EML3: variants seen among roughly 807,000 people sequenced by gnomAD.
EML3 encodes echinoderm microtubule-associated protein-like 3.
In EML3, 53 loss-of-function variants were observed where a neutral mutation model predicts 106.7. The ratio of observed to expected loss-of-function variants is 0.50; its 90% confidence interval spans 0.40 to 0.62. The LOEUF (loss-of-function observed/expected upper bound fraction) is 0.62. Among genes scored for constraint, EML3 ranks in the 20% least tolerant of loss-of-function variants. EML3 has a pLI of 0.00. For synonymous variants in EML3, 499 were observed against 489.6 expected, an observed-to-expected ratio of 1.02 and a Z score of -0.25; for missense variants, 994 against 1,209.1, an observed-to-expected ratio of 0.82 and a Z score of 2.64.
chr11:62,603,137 G>A lies in EML3; in HGVS notation c.2356+12C>T. On this transcript the variant is annotated intron_variant, in intron 20 of 21. Coordinates refer to ENST00000394773, the MANE Select transcript of EML3 (RefSeq NM_153265.3). ...CCCCACCCTTCCAGCAGGTTTCCAC[G>A]CCCCTGCTCACCGTAGACGTGAAAG... 1 of 1,613,052 alleles carries A rather than the reference G, an allele frequency of 6.2e-7. No individual in the cohort carries two copies. The highest frequency in any genetic ancestry group is 8.5e-7 in the Non-Finnish European group (1 of 1,179,278).
chr11:62,610,290 G>C (rs994069953), intron 4 of EML3, among the ~76,000 whole-genome samples: 1 of 152,196 alleles, frequency 6.6e-6, no homozygotes, highest in Admixed American at 6.5e-5. Context: ...AGAGAATAAA[G>C]CACAGGCCAA....
At chr11:62,606,318 T>C (rs1942516885) in intron 12 of EML3, 104 bp from the exon 13 acceptor site, 1 of 1,313,846 alleles carries the variant, frequency 7.6e-7, no homozygotes, top group Non-Finnish European at 1.1e-6. Flanking sequence ...AGCCATTGCA[T>C]GCACTGACTA....
intron 4 of EML3, among the ~76,000 whole-genome samples, 194 bp from the exon 5 acceptor site, chr11:62,609,890 G>A (rs1020626607): frequency 1.3e-5 from 2 of 152,190 alleles, no homozygotes; most frequent in African/African-American, 4.8e-5. Flanking sequence ...GATTGAGGCT[G>A]AAGGGGCTGA....
chr11:62,609,253 G>A, intron 6 of EML3, 101 bp downstream of exon 6: 1 of 1,552,814 alleles, frequency 6.4e-7, no homozygotes, highest in Non-Finnish European at 8.7e-7. Flanking sequence ...AGAGGATCTA[G>A]AAGGCTCCTT....
chr11:62,612,380 C>T (rs1337175316), intron 1 of EML3, 56 bp downstream of exon 1: 2 of 1,487,976 alleles, frequency 1.3e-6, no homozygotes, highest in Non-Finnish European at 8.9e-7. Flanking sequence ...CTGGCATAAC[C>T]CGACGAGCCG....
At chr11:62,607,900 T>A (rs1350839836) in intron 10 of EML3, 79 bp from the exon 11 acceptor site, 2 of 1,530,406 alleles carry the variant, frequency 1.3e-6, no homozygotes, top group East Asian at 2.3e-5. Context: ...ATTTGCATCA[T>A]GACAGCTGGC....
chr11:62,603,022 G>GGCCGGAGA, intron 20 of EML3, 127 bp downstream of exon 20: 3 of 1,507,498 alleles, frequency 2.0e-6, no homozygotes, highest in Non-Finnish European at 2.7e-6. Flanking sequence ...CGGTCCCGAG[G>GGCCGGAGA]GGCCTCCTGG....
At position 62,612,578 on chromosome 11, in the gene EML3, A is replaced by C; in HGVS notation, c.-121T>G. On this transcript the variant is annotated 5_prime_UTR_variant, in exon 1 of 22. Coordinates refer to ENST00000394773, the MANE Select transcript of EML3 (RefSeq NM_153265.3). ...CGCGCGCGAAGGGCGCCGTACCACC[A>C]CCCCGAGGGGGCGCTGTCGGGCGCG... is the stretch of plus-strand genomic sequence containing the variant. 8 of 996,828 alleles carry C rather than the reference A, an allele frequency of 8.0e-6. No individual in the cohort carries two copies. The highest frequency in any genetic ancestry group is 7.9e-6 in the Non-Finnish European group (6 of 755,384). 61.7% of individuals were successfully genotyped at this position (996,828 alleles called of 1,614,324 possible). A position where few individuals can be genotyped will look rare whatever the true frequency, so the allele number is the denominator to read the frequency against.
chr11:62,608,289 C>A lies in EML3; in HGVS notation c.1118G>T (p.Gly373Val), dbSNP rs199965577. 21 of 1,613,778 alleles carry A rather than the reference C, an allele frequency of 1.3e-5. No homozygotes were observed. Among genetic ancestry groups the A allele is most frequent in the Non-Finnish European group, 1.8e-5 (21 of 1,179,996 alleles). ...ATCATCCACCACACAAAGAAAGGCA[C>A]CCTGATCCTGAAGAAGGGTGACACA... The part of the protein sequence containing the change: ...GALAFSAADQ[G>V]AFLCVVDDSN... The change falls in exon 10 of 22, where the codon GGT becomes GTT. Residue 373 changes from glycine to valine, a missense_variant. This residue lies in a region of EML3 where 713 missense variants were observed against 920.5 expected (regional missense o/e 0.77). Transcript: ENST00000394773.
chr11:62,605,151 C>A lies in EML3; in HGVS notation c.1944G>T (p.Pro648=). Residue 648 remains proline (P), a synonymous_variant, in exon 16 of 22, where the codon CCG becomes CCT. Transcript: ENST00000394773. The surrounding 1 kb of genome is among the most constrained non-coding windows in gnomAD (Gnocchi z 5.2). ...GTCCTACGGCCACAACTGCCCCACTCGGGTGGAAGTCAGCACAGAGACCAG... is the reference window on the plus strand; with the variant it reads ...GTCCTACGGCCACAACTGCCCCACTAGGGTGGAAGTCAGCACAGAGACCAG... ...KETGLCADFH[P]SGAVVAVGLN... 6.2e-7 allele frequency: 1 copy of A among 1,612,936 alleles called. No homozygotes were observed.
chr11:62,607,575 G>C lies in EML3; in HGVS notation c.1362+91C>G. 2.1e-6 allele frequency: 3 copies of C among 1,438,476 alleles called. No individual in the cohort carries two copies. The African/African-American group carries it at 4.3e-5, about 21-fold the overall frequency. The allele number at this position is 1,438,476 out of a possible 1,614,324, so 89.1% of individuals were successfully genotyped here. On this transcript the variant is annotated intron_variant, in intron 11 of 21. Transcript: ENST00000394773. Reference sequence around the variant, plus strand: ...AAAAAAGGTCACAGGGGCAGGTGGGGGTTAGGGAACCTCAGGGTCCATAGT... The same window carrying C: ...AAAAAAGGTCACAGGGGCAGGTGGGCGTTAGGGAACCTCAGGGTCCATAGT...
In EML3 at chr11:62,605,714, GGTGAGGAAGCGGTTCT is replaced by G. The variant is rs1942476253; in HGVS notation, c.1826_1841del (p.Gln609ProfsTer42). ...GGCAGAGCTGCCGGTCGTGGCCGCA[GGTGAGGAAGCGGTTCT>G]GGGAGGGGTGTGTGCAGAGCCCCCA... On this transcript the variant is annotated frameshift_variant, in exon 15 of 22. Coordinates refer to ENST00000394773, the MANE Select transcript of EML3 (RefSeq NM_153265.3). LOFTEE classifies it high-confidence loss of function. This position sits in a 1 kb window ranked among gnomAD's most constrained non-coding sequence, Gnocchi z 5.2. The G allele has an allele frequency of 6.2e-7, 1 of 1,600,864 alleles. No homozygotes were observed. The highest frequency in any genetic ancestry group is 1.3e-5 in the African/African-American group (1 of 74,724).
chr11:62,609,196 AAGAC>A (rs1413986807), intron 6 of EML3, 64 bp from the exon 7 acceptor site: 9 of 1,601,490 alleles, frequency 5.6e-6, no homozygotes, highest in South Asian at 2.2e-5. Context: ...AGAGGGGAGA[AAGAC>A]AGAGCTTCTG....
chr11:62,608,532 G>A lies in EML3; in HGVS notation c.1110+10C>T. 1 of 1,611,402 alleles carries A rather than the reference G, an allele frequency of 6.2e-7. No individual in the cohort carries two copies. Among genetic ancestry groups the A allele is most frequent in the South Asian group, 1.1e-5 (1 of 91,002 alleles). ...AGAATGGGGGTCTAGAGGCTTCAGG[G>A]CCAGCTCACCGCAGCTGAAAAGGCC... On this transcript the variant is annotated intron_variant, in intron 9 of 21. Transcript: ENST00000394773.
chr11:62,605,133 G>T lies in EML3; in HGVS notation c.1962C>A (p.Ala654=). 6.2e-7 allele frequency: 1 copy of T among 1,612,866 alleles called. No individual in the cohort carries two copies. Among genetic ancestry groups the T allele is most frequent in the Non-Finnish European group, 8.5e-7 (1 of 1,179,354 alleles). The part of the protein sequence containing the change: ...ADFHPSGAVV[A]VGLNTGRWLV... Reference sequence around the variant, plus strand: ...CTCACCTCCCCGTGTTCAGTCCTACGGCCACAACTGCCCCACTCGGGTGGA... The same window carrying T: ...CTCACCTCCCCGTGTTCAGTCCTACTGCCACAACTGCCCCACTCGGGTGGA... The change falls in exon 16 of 22, where the codon GCC becomes GCA. Residue 654 remains alanine (A), a synonymous_variant. Transcript: ENST00000394773. The surrounding 1 kb of genome is among the most constrained non-coding windows in gnomAD (Gnocchi z 5.2).
intron 10 of EML3, 21 bp downstream of exon 10, chr11:62,608,180 C>CAAGCCACAT: frequency 1.2e-6 from 2 of 1,612,566 alleles, no homozygotes; most frequent in Non-Finnish European, 1.7e-6. Context: ...AGAGCCCCTC[C>CAAGCCACAT]AAGCCACATG....
intron 1 of EML3, 168 bp from the exon 2 acceptor site, chr11:62,611,764 G>A (rs1422647523): frequency 1.3e-6 from 1 of 761,304 alleles, no homozygotes; most frequent in Admixed American, 3.3e-5. Context: ...AAAGGATCAA[G>A]GGCCTCCTTC....
Position 62,609,299 on chromosome 11 carries a change from G to C in EML3, c.758+55C>G. 4 of 1,541,506 alleles carry C rather than the reference G, an allele frequency of 2.6e-6. No individual in the cohort carries two copies. The South Asian group carries it at 3.8e-5, about 15-fold the overall frequency. ...ACCCAGGAGGAAACTGTAAAGGTAAGAGGGGTCCCAAGGTGAGAAAGGTGG... is the reference window on the plus strand; with the variant it reads ...ACCCAGGAGGAAACTGTAAAGGTAACAGGGGTCCCAAGGTGAGAAAGGTGG... On this transcript the variant is annotated intron_variant, in intron 6 of 21. Transcript: ENST00000394773.
At chr11:62,606,890 CCCTCT>C in intron 12 of EML3, 63 bp downstream of exon 12, 2 of 1,405,278 alleles carry the variant, frequency 1.4e-6, no homozygotes, top group African/African-American at 2.9e-5. Context: ...GAATGGGAAA[CCCTCT>C]CCTCTGTTCC....
Sources: allele counts gnomAD v4.1 joint callset (sites outside exome capture counted in the v4.1 genomes callset), GRCh38; gene constraint gnomAD v4.1.1; regional missense constraint gnomAD v4.1.1; non-coding constraint Gnocchi (gnomAD v3.1); transcripts MANE v1.5; gene names NCBI Gene and HGNC (gene_info 2026-07-23, HGNC 2026-07-21).